LEPR: variants seen among roughly 807,000 people sequenced by gnomAD.
LEPR encodes the protein OB receptor.
In LEPR, 56 loss-of-function variants were observed where a neutral mutation model predicts 114.7. The ratio of observed to expected loss-of-function variants is 0.49; its 90% CI spans 0.39 to 0.61. The LOEUF (loss-of-function observed/expected upper bound fraction) is 0.61, where lower values mean the gene tolerates loss of function less well. Among genes scored for constraint, LEPR ranks in the 20% least tolerant of loss-of-function variants. The pLI is 0.00. For missense variants in LEPR, 1,202 were observed against 1,352.9 expected (o/e 0.89, Z 1.75); for synonymous variants, 443 against 461.4 (o/e 0.96, Z 0.51).
chr1:65,609,423 C>T (rs1329492095), intron 12 of LEPR, among the ~76,000 whole-genome samples: 1 of 152,174 alleles, frequency 6.6e-6, no homozygotes, highest in Non-Finnish European at 1.5e-5. Context: ...GCAAGTGTGC[C>T]TATCATGGCA....
rs747716335 is a variant in LEPR at position 65,598,667 on chromosome 1, A to C, written c.857A>C (p.Lys286Thr). 2 of 1,613,240 alleles carry C rather than the reference A, an allele frequency of 1.2e-6. No individual in the cohort carries two copies. Among genetic ancestry groups the C allele is most frequent in the Admixed American group, 3.3e-5 (2 of 59,946 alleles). ...TAATATAATATTTAACAGGCTGACA[A>C]GATTGTCTCAGCTACATCCCTGCTA... Reference protein sequence around the residue: ...NSTTVIREADKIVSATSLLVD... With the variant: ...NSTTVIREADTIVSATSLLVD... Residue 286 changes from lysine to threonine, a missense_variant, in exon 8 of 20, where the codon AAG (lysine) becomes ACG (threonine). Lys to Thr is a moderately conservative substitution (Grantham distance 78). Coordinates refer to ENST00000349533, the MANE Select transcript of LEPR (RefSeq NM_002303.6).
intron 5 of LEPR, among the ~76,000 whole-genome samples, chr1:65,585,451 TA>T (rs1655252131): frequency 6.6e-6 from 1 of 151,992 alleles, no homozygotes; most frequent in Admixed American, 6.6e-5. Context: ...GCTTTCTTTC[TA>T]AACCATGTAT....
intron 2 of LEPR, chr1:65,435,213 G>C (rs978869671): frequency 1.0e-6 from 1 of 985,334 alleles, no homozygotes; most frequent in Non-Finnish European, 1.2e-6. Flanking sequence ...AGAACTCATA[G>C]ATTTTTCTTA....
intron 2 of LEPR, among the ~76,000 whole-genome samples, chr1:65,507,270 C>T (rs911043164): frequency 5.9e-5 from 9 of 151,912 alleles, no homozygotes; most frequent in East Asian, 5.8e-4. Flanking sequence ...AGGGTAGTCT[C>T]GAACTGCTGA....
chr1:65,442,782 C>T (rs1479952294), intron 2 of LEPR, among the ~76,000 whole-genome samples: 1 of 152,120 alleles, frequency 6.6e-6, no homozygotes, highest in Admixed American at 6.5e-5. Flanking sequence ...CCTGGGAATA[C>T]AAAGATCAAA....
At chr1:65,587,734 G>T (rs575305975) in intron 5 of LEPR, among the ~76,000 whole-genome samples, 2 of 152,028 alleles carry the variant, frequency 1.3e-5, no homozygotes, top group African/African-American at 4.8e-5. Flanking sequence ...TTGTTTCAGG[G>T]TTGATTTTTT....
At chr1:65,581,991 C>G (rs1471359582) in intron 5 of LEPR, among the ~76,000 whole-genome samples, 1 of 152,168 alleles carries the variant, frequency 6.6e-6, no homozygotes, top group African/African-American at 2.4e-5. Flanking sequence ...CGCCAGATTT[C>G]TACTAACAGC....
intron 2 of LEPR, among the ~76,000 whole-genome samples, chr1:65,557,754 C>A (rs1020842028): frequency 6.6e-6 from 1 of 152,112 alleles, no homozygotes; most frequent in African/African-American, 2.4e-5. Context: ...TAAAAAACTT[C>A]TTTATATTCC....
At chr1:65,506,014 C>G (rs919454599) in intron 2 of LEPR, among the ~76,000 whole-genome samples, 1 of 152,122 alleles carries the variant, frequency 6.6e-6, no homozygotes, top group Non-Finnish European at 1.5e-5. Context: ...ATTATTTTCC[C>G]TAAGGCCTTA....
chr1:65,590,402 A>G (rs1394617690), intron 5 of LEPR, among the ~76,000 whole-genome samples: 1 of 150,952 alleles, frequency 6.6e-6, no homozygotes, highest in East Asian at 2.0e-4. Context: ...CTCATCTTGT[A>G]GTTCCCATAA....
At chr1:65,463,140 A>C (rs1329964279) in intron 2 of LEPR, among the ~76,000 whole-genome samples, 1 of 152,222 alleles carries the variant, frequency 6.6e-6, no homozygotes, top group Admixed American at 6.5e-5. Flanking sequence ...TCTTACATTT[A>C]AGTCTTTAAT....
chr1:65,590,131 T>C (rs1247343488), intron 5 of LEPR, among the ~76,000 whole-genome samples: 1 of 151,864 alleles, frequency 6.6e-6, no homozygotes, highest in East Asian at 1.9e-4. Flanking sequence ...GTGCAGATCC[T>C]AAACATCTTT....
At chr1:65,495,657 A>AT (rs1444859441) in intron 2 of LEPR, among the ~76,000 whole-genome samples, 4 of 152,242 alleles carry the variant, frequency 2.6e-5, no homozygotes, top group African/African-American at 9.6e-5. Context: ...CTAAGTGTCC[A>AT]TCAACAGATG....
chr1:65,474,985 C>T (rs372404331), intron 2 of LEPR, among the ~76,000 whole-genome samples: 31 of 114,492 alleles, frequency 2.7e-4, no homozygotes, highest in Admixed American at 6.2e-4. Flanking sequence ...CCAGTCTGGG[C>T]GACAGTGCGA....
intron 2 of LEPR, among the ~76,000 whole-genome samples, chr1:65,513,026 G>T (rs539883295): frequency 6.6e-6 from 1 of 152,154 alleles, no homozygotes; most frequent in African/African-American, 2.4e-5. Flanking sequence ...TCACCTCCTT[G>T]ACTCTTACAG....
At chr1:65,440,700 A>C (rs1341935895) in intron 2 of LEPR, among the ~76,000 whole-genome samples, 1 of 151,950 alleles carries the variant, frequency 6.6e-6, no homozygotes, top group Non-Finnish European at 1.5e-5. Context: ...GAGATAAGAT[A>C]ATGTGTGTGT....
intron 16 of LEPR, among the ~76,000 whole-genome samples, chr1:65,619,096 A>G (rs1557700106): frequency 6.6e-6 from 1 of 152,210 alleles, no homozygotes; most frequent in Non-Finnish European, 1.5e-5. Context: ...AGGGAAGCTA[A>G]GGATTGCTAT....
intron 2 of LEPR, among the ~76,000 whole-genome samples, chr1:65,478,356 C>G (rs1220045598): frequency 6.6e-6 from 1 of 152,132 alleles, no homozygotes; most frequent in Admixed American, 6.5e-5. Flanking sequence ...AATTATATTA[C>G]ATCTAAAAGG....
chr1:65,435,046 A>C, intron 2 of LEPR: 1 of 985,444 alleles, frequency 1.0e-6, no homozygotes, highest in Non-Finnish European at 1.2e-6. Flanking sequence ...ATTCTCATTC[A>C]CAGAGAATGG....
Sources: allele counts gnomAD v4.1 joint callset (sites outside exome capture counted in the v4.1 genomes callset), GRCh38; gene constraint gnomAD v4.1.1; transcripts MANE v1.5; gene names NCBI Gene and HGNC (gene_info 2026-07-23, HGNC 2026-07-21).